The following NOS1AP variants were observed in gnomAD, a reference collection of about 807,000 sequenced individuals.
NOS1AP encodes the protein nitric oxide synthase 1 adaptor protein.
In NOS1AP, 21 loss-of-function variants were observed where a neutral mutation model predicts 56.2. That is an observed-to-expected ratio of 0.37 (90% CI 0.26 to 0.54). The LOEUF (loss-of-function observed/expected upper bound fraction) is 0.54, where lower values mean the gene tolerates loss of function less well. NOS1AP is among the 20% of genes least tolerant of loss of function. The probability of loss-of-function intolerance (pLI) is 0.84; values close to 1 mark genes in which losing one functional copy is unlikely to be tolerated. For missense variants in NOS1AP, 522 were observed against 657.8 expected, an observed-to-expected ratio of 0.79 and a Z score of 2.26; for synonymous variants, 270 against 274.6, an observed-to-expected ratio of 0.98 and a Z score of 0.17.
intron 2 of NOS1AP, among the ~76,000 whole-genome samples, chr1:162,270,744 G>A (rs565239018): frequency 5.3e-5 from 8 of 152,158 alleles, no homozygotes; most frequent in South Asian, 2.1e-4. Flanking sequence ...AGTGATTTTC[G>A]AATTCTTCTT....
chr1:162,150,845 A>G (rs1433582467), intron 1 of NOS1AP, among the ~76,000 whole-genome samples: 2 of 152,116 alleles, frequency 1.3e-5, no homozygotes, highest in Admixed American at 6.5e-5. Flanking sequence ...GGCTTCTTAT[A>G]TATTCTGGTT....
intron 2 of NOS1AP, among the ~76,000 whole-genome samples, chr1:162,268,673 T>C (rs1303682259): frequency 5.9e-5 from 9 of 151,882 alleles, no homozygotes; most frequent in Non-Finnish European, 1.3e-4. Flanking sequence ...GAAAGAAACC[T>C]GAAAACAGAA....
At chr1:162,299,369 T>C (rs1655570633) in intron 3 of NOS1AP, among the ~76,000 whole-genome samples, 1 of 152,148 alleles carries the variant, frequency 6.6e-6, no homozygotes, top group African/African-American at 2.4e-5. Context: ...CACTGGTAAG[T>C]AGGATACATA....
chr1:162,365,720 A>C, intron 9 of NOS1AP, 151 bp downstream of exon 9: 1 of 947,096 alleles, frequency 1.1e-6, no homozygotes, highest in Non-Finnish European at 1.6e-6. Flanking sequence ...TCCCATTAGT[A>C]TACTTAATGA....
At chr1:162,280,506 AC>A (rs1037087493) in intron 2 of NOS1AP, among the ~76,000 whole-genome samples, 3 of 152,232 alleles carry the variant, frequency 2.0e-5, no homozygotes, top group Non-Finnish European at 2.9e-5. Flanking sequence ...AAAAACGCCA[AC>A]TTTTGGCCGT....
In NOS1AP at chr1:162,219,682, C is replaced by A. The variant is rs896704571; in HGVS notation, c.177+65206C>A. Among the ~76,000 whole-genome samples, 3 of 152,206 alleles carry A rather than the reference C, an allele frequency of 2.0e-5. No individual in the cohort carries two copies. In the East Asian group the frequency reaches 5.8e-4, roughly 29 times the overall value. On this transcript the variant is annotated intron_variant, in intron 2 of 9. Coordinates refer to ENST00000361897, the MANE Select transcript of NOS1AP (RefSeq NM_014697.3). ...GCCCCCACCAGGGTTCTAGGGAGAA[C>A]AGCCCTGAAAACCTTCATCCTTCTA...
Position 162,262,236 on chromosome 1 carries a change from C to T in NOS1AP, c.178-25108C>T, listed in dbSNP as rs556139701. Among the ~76,000 whole-genome samples, 372 of 152,172 alleles carry T rather than the reference C, an allele frequency of 2.4e-3. 1 individual carries two copies. The highest frequency in any genetic ancestry group is 8.4e-3 in the African/African-American group (347 of 41,514). On this transcript the variant is annotated intron_variant, in intron 2 of 9. Transcript: ENST00000361897. ...TTTGTCCTTTAAACTAAAATTTCAG[C>T]TATGGATAAGAGAAGCATCACTTAC...
intron 2 of NOS1AP, among the ~76,000 whole-genome samples, chr1:162,233,547 C>A (rs949922402): frequency 6.6e-6 from 1 of 152,138 alleles, no homozygotes; most frequent in African/African-American, 2.4e-5. Context: ...ACCGTCACCA[C>A]AATTTAAGAA....
intron 2 of NOS1AP, among the ~76,000 whole-genome samples, chr1:162,159,389 A>G (rs912942968): frequency 5.3e-5 from 8 of 152,296 alleles, no homozygotes; most frequent in African/African-American, 1.7e-4. Flanking sequence ...TGAATCTGGG[A>G]TGAAGCATGG....
chr1:162,146,537 T>C (rs1252158804), intron 1 of NOS1AP, among the ~76,000 whole-genome samples: 1 of 152,150 alleles, frequency 6.6e-6, no homozygotes, highest in Non-Finnish European at 1.5e-5. Flanking sequence ...AGTGAGCTTT[T>C]CTGCCTGAGC....
Position 162,223,479 on chromosome 1 carries a change from T to C in NOS1AP, c.178-63865T>C, listed in dbSNP as rs149953254. On this transcript the variant is annotated intron_variant, in intron 2 of 9. Transcript: ENST00000361897. ...TTAAGGACAGGTCGGCAGAAAGGCTTCTGGGGTCAAGCTGAGCATAATGTT... is the reference window on the plus strand; with the variant it reads ...TTAAGGACAGGTCGGCAGAAAGGCTCCTGGGGTCAAGCTGAGCATAATGTT... Among the ~76,000 whole-genome samples, 9 of 152,212 alleles carry C rather than the reference T, an allele frequency of 5.9e-5. No homozygotes were observed. In the East Asian group the frequency reaches 1.7e-3, roughly 29 times the overall value.
chr1:162,277,028 C>T (rs541289189), intron 2 of NOS1AP, among the ~76,000 whole-genome samples: 1 of 152,298 alleles, frequency 6.6e-6, no homozygotes, highest in Non-Finnish European at 1.5e-5. Context: ...GTTCTGGCTC[C>T]TTGCTTCTCA....
chr1:162,172,595 G>T (rs1019215678), intron 2 of NOS1AP, among the ~76,000 whole-genome samples: 1 of 152,216 alleles, frequency 6.6e-6, no homozygotes, highest in African/African-American at 2.4e-5. Context: ...TGGAATGTCA[G>T]CAGGTGGTCA....
rs1356506794 is a variant in NOS1AP at position 162,188,757 on chromosome 1, G to A, written c.177+34281G>A. Reference sequence around the variant, plus strand: ...TTTATTTTCAAATGTTGAACAGTTGGTTAAGATTATTTTAGGCTGAGCACG... The same window carrying A: ...TTTATTTTCAAATGTTGAACAGTTGATTAAGATTATTTTAGGCTGAGCACG... On this transcript the variant is annotated intron_variant, in intron 2 of 9. Transcript: ENST00000361897. The surrounding 1 kb of genome is among the most constrained non-coding windows in gnomAD (Gnocchi z 4.0). Among the ~76,000 whole-genome samples, 1 of 152,144 alleles carries A rather than the reference G, an allele frequency of 6.6e-6. No individual in the cohort carries two copies. The highest frequency in any genetic ancestry group is 1.5e-5 in the Non-Finnish European group (1 of 68,028).
At chr1:162,212,214 G>A (rs1652375573) in intron 2 of NOS1AP, among the ~76,000 whole-genome samples, 1 of 152,212 alleles carries the variant, frequency 6.6e-6, no homozygotes, top group African/African-American at 2.4e-5. Context: ...GCAAGGCTGG[G>A]AAGGTGTTGT....
At chr1:162,320,725 G>A (rs1050892446) in intron 4 of NOS1AP, among the ~76,000 whole-genome samples, 20 of 152,078 alleles carry the variant, frequency 1.3e-4, no homozygotes, top group Admixed American at 5.2e-4. Flanking sequence ...GTGGTGGCGC[G>A]CGCCTGTAGT....
chr1:162,289,619 C>T (rs540003144), intron 3 of NOS1AP, among the ~76,000 whole-genome samples: 28 of 151,304 alleles, frequency 1.9e-4, no homozygotes, highest in South Asian at 1.7e-3. Flanking sequence ...GGACTACAGG[C>T]GCCCGCCACT....
At chr1:162,263,208 C>T (rs1033818915) in intron 2 of NOS1AP, among the ~76,000 whole-genome samples, 1 of 152,182 alleles carries the variant, frequency 6.6e-6, no homozygotes, top group African/African-American at 2.4e-5. Flanking sequence ...GCTGCTATAA[C>T]AGAATACTAT....
intron 1 of NOS1AP, among the ~76,000 whole-genome samples, chr1:162,115,557 C>A (rs996913159): frequency 6.6e-6 from 1 of 152,184 alleles, no homozygotes; most frequent in Non-Finnish European, 1.5e-5. Flanking sequence ...ATGTGGCTTG[C>A]AGACCAGCAG....
Sources: gnomAD v4.1 joint callset for allele counts (sites outside exome capture counted in the v4.1 genomes callset) on GRCh38, gnomAD v4.1.1 for gene constraint, Gnocchi (gnomAD v3.1) non-coding constraint, MANE v1.5 for transcripts, NCBI Gene and HGNC (gene_info 2026-07-23, HGNC 2026-07-21) for gene names.